Variants in GSG1L observed in about 807,000 individuals in gnomAD.
GSG1L encodes germ cell-specific gene 1-like protein.
In GSG1L, 24 loss-of-function variants were observed where a neutral mutation model predicts 42.1. The observed-to-expected ratio is 0.57, with a 90% confidence interval of 0.41 to 0.80. The LOEUF (loss-of-function observed/expected upper bound fraction) is 0.80, where lower values mean the gene tolerates loss of function less well. GSG1L is among the 30% of genes least tolerant of loss of function. GSG1L has a pLI of 0.00. For synonymous variants in GSG1L, 215 were observed against 203.5 expected, an observed-to-expected ratio of 1.06 and a Z score of -0.48; for missense variants, 445 against 472.2, an observed-to-expected ratio of 0.94 and a Z score of 0.53.
At chr16:27,827,824 A>G (rs139874050) in intron 5 of GSG1L, among the ~76,000 whole-genome samples, 2 of 151,942 alleles carry the variant, frequency 1.3e-5, no homozygotes, top group Non-Finnish European at 2.9e-5. Flanking sequence ...TCATCCAACC[A>G]TTCATCCATC....
At position 27,979,859 on chromosome 16, in the gene GSG1L, AGAAAGAAAGAAAG is replaced by A. The variant is rs370033654; in HGVS notation, c.350-16669_350-16657del. Among the ~76,000 whole-genome samples, 24 of 151,912 alleles carry A rather than the reference AGAAAGAAAGAAAG, an allele frequency of 1.6e-4. 1 individual carries two copies. Among genetic ancestry groups the A allele is most frequent in the African/African-American group, 5.8e-4 (24 of 41,458 alleles). ...GAGAGAGAAAGGAAGGAAGGAAAAGAGAAAGAAAGAAAGGAAAGAAAGAAACGAAGGAAGGAAG... is the reference window on the plus strand; with the variant it reads ...GAGAGAGAAAGGAAGGAAGGAAAAGAGAAAGAAAGAAACGAAGGAAGGAAG... On this transcript the variant is annotated intron_variant, in intron 1 of 6. Transcript: ENST00000447459.
Position 27,884,477 on chromosome 16 carries a change from A to G in GSG1L, c.550+9T>C. ...GCTCTGAGAGGCCACAGGACCAGCC[A>G]TGCCTTACCTGAGAGCACCGTGAAG... On this transcript the variant is annotated intron_variant, in intron 3 of 6. Transcript: ENST00000447459. The surrounding 1 kb of genome is among the most constrained non-coding windows in gnomAD (Gnocchi z 4.4). 2 of 1,612,388 alleles carry G rather than the reference A, an allele frequency of 1.2e-6. No individual in the cohort carries two copies. Among genetic ancestry groups the G allele is most frequent in the African/African-American group, 2.7e-5 (2 of 75,030 alleles).
At chr16:27,849,397 C>T (rs996077916) in intron 3 of GSG1L, among the ~76,000 whole-genome samples, 1 of 152,132 alleles carries the variant, frequency 6.6e-6, no homozygotes, top group African/African-American at 2.4e-5. Flanking sequence ...CTAAGAAAAT[C>T]ATTCTGATTA....
chr16:28,050,546 T>C (rs748429523), intron 1 of GSG1L, among the ~76,000 whole-genome samples: 10 of 152,190 alleles, frequency 6.6e-5, no homozygotes, highest in African/African-American at 1.7e-4. Flanking sequence ...TCTTTAAAGA[T>C]AGAAATAGGT....
chr16:27,803,796 G>GATATATATATATATAGATATATATATAT (rs879523842), intron 6 of GSG1L, among the ~76,000 whole-genome samples: 3 of 73,832 alleles, frequency 4.1e-5, no homozygotes, highest in African/African-American at 1.6e-4. Context: ...TATATATATA[G>GATATATATATATATAGATATATATATAT]ATAGATAGAT....
intron 5 of GSG1L, among the ~76,000 whole-genome samples, chr16:27,828,570 C>T (rs2083239415): frequency 6.6e-6 from 1 of 152,242 alleles, no homozygotes; most frequent in South Asian, 2.1e-4. Flanking sequence ...GCTTTGATCA[C>T]ATAAGCCCAA....
intron 2 of GSG1L, among the ~76,000 whole-genome samples, chr16:27,926,174 C>T (rs946627434): frequency 1.3e-5 from 2 of 152,188 alleles, no homozygotes; most frequent in African/African-American, 4.8e-5. Flanking sequence ...AAGTCATCAC[C>T]GATGTGTTCC....
Position 27,841,285 on chromosome 16 carries a change from C to T in GSG1L, c.662+3665G>A, listed in dbSNP as rs183460635. 4.1e-3 allele frequency among the ~76,000 whole-genome samples: 622 copies of T among 152,310 alleles called. 4 individuals carry two copies. Among genetic ancestry groups the T allele is most frequent in the African/African-American group, 0.014 (573 of 41,556 alleles). ...CCAGGAGCCACACCCTTGACCGCCC[C>T]TCCACGCTGCCACAGTGGCCCAGCA... On this transcript the variant is annotated intron_variant, in intron 4 of 6. Coordinates refer to ENST00000447459, the MANE Select transcript of GSG1L (RefSeq NM_001109763.2).
At chr16:27,829,044 T>C (rs943281453) in intron 4 of GSG1L, 88 bp from the exon 5 acceptor site, 32 of 1,278,794 alleles carry the variant, frequency 2.5e-5, no homozygotes, top group Non-Finnish European at 3.2e-5. Context: ...CATTCATCCC[T>C]GCATGGCTGC....
intron 1 of GSG1L, among the ~76,000 whole-genome samples, chr16:28,016,532 A>C (rs1420983126): frequency 6.6e-6 from 1 of 152,146 alleles, no homozygotes; most frequent in Non-Finnish European, 1.5e-5. Flanking sequence ...CATCTACCCC[A>C]ACTCTATTTT....
chr16:27,973,144 G>A (rs2085211745), intron 1 of GSG1L, among the ~76,000 whole-genome samples: 1 of 152,056 alleles, frequency 6.6e-6, no homozygotes. Flanking sequence ...TAGATGCAAT[G>A]CCTGGAAAAA....
chr16:27,870,352 GTCTC>G (rs1268290079), intron 3 of GSG1L, among the ~76,000 whole-genome samples: 1 of 130,614 alleles, frequency 7.7e-6, no homozygotes, highest in East Asian at 2.4e-4. Context: ...CTCTCCTTCT[GTCTC>G]TCTGTCTCGT....
intron 1 of GSG1L, among the ~76,000 whole-genome samples, chr16:28,046,269 G>T (rs1007840019): frequency 6.6e-6 from 1 of 150,434 alleles, no homozygotes; most frequent in Non-Finnish European, 1.5e-5. Flanking sequence ...ATACACATCC[G>T]CAGGCCGTTA....
chr16:27,869,468 T>C (rs1410880096), intron 3 of GSG1L, among the ~76,000 whole-genome samples: 2 of 151,122 alleles, frequency 1.3e-5, no homozygotes, highest in East Asian at 3.9e-4. Flanking sequence ...TCTCTCTCTG[T>C]CTCCCTCCAT....
chr16:27,793,813 AGAG>A (rs2082786690), intron 6 of GSG1L, among the ~76,000 whole-genome samples: 1 of 152,180 alleles, frequency 6.6e-6, no homozygotes, highest in Non-Finnish European at 1.5e-5. Context: ...GTGTGTATAC[AGAG>A]GAGAACACTC....
At chr16:27,803,794 T>TATATATATATATATATAGAG (rs2082915935) in intron 6 of GSG1L, among the ~76,000 whole-genome samples, 1 of 68,730 alleles carries the variant, frequency 1.5e-5, no homozygotes, top group African/African-American at 6.2e-5. Context: ...TATATATATA[T>TATATATATATATATATAGAG]AGATAGATAG....
At chr16:28,062,947 C>G (rs1259876624) in intron 1 of GSG1L, 129 bp downstream of exon 1, 2 of 1,181,500 alleles carry the variant, frequency 1.7e-6, no homozygotes, top group Admixed American at 4.6e-5. Flanking sequence ...TCGCCCCTAG[C>G]CAGGCGGAGC....
At chr16:27,830,121 G>A (rs1226444085) in intron 4 of GSG1L, among the ~76,000 whole-genome samples, 1 of 152,192 alleles carries the variant, frequency 6.6e-6, no homozygotes, top group African/African-American at 2.4e-5. Context: ...GAAATGGCCT[G>A]CCTGTTTCCT....
At chr16:27,991,029 C>T (rs753900847) in intron 1 of GSG1L, among the ~76,000 whole-genome samples, 3 of 152,144 alleles carry the variant, frequency 2.0e-5, no homozygotes, top group Non-Finnish European at 4.4e-5. Flanking sequence ...TGCAAATAAT[C>T]GGGCCAAGTA....
Sources: gnomAD v4.1 joint callset for allele counts (sites outside exome capture counted in the v4.1 genomes callset) on GRCh38, gnomAD v4.1.1 for gene constraint, Gnocchi (gnomAD v3.1) non-coding constraint, MANE v1.5 for transcripts, NCBI Gene and HGNC (gene_info 2026-07-23, HGNC 2026-07-21) for gene names.